The following HAUS7 variants were observed in gnomAD, a reference collection of about 807,000 sequenced individuals.
The protein encoded by HAUS7 is HAUS augmin like complex subunit 7, also known as HAUS augmin-like complex subunit 7.
HAUS7 carries 3 observed loss-of-function variants against 28.4 expected under a neutral mutation model. The ratio of observed to expected loss-of-function variants is 0.11; its 90% CI spans 0.05 to 0.27. The LOEUF is 0.27. Among genes scored for constraint, HAUS7 ranks in the 10% least tolerant of loss-of-function variants. The pLI, the probability that HAUS7 is intolerant of heterozygous loss-of-function variation, is 1.00. For synonymous variants in HAUS7, 165 were observed against 132.1 expected (o/e 1.25, Z -1.71); for missense variants, 284 against 297.3 (o/e 0.96, Z 0.33).
Position 153,477,076 on chromosome X carries a change from G to A in HAUS7, c.-588-5931C>T, listed in dbSNP as rs1012926803. ...CACCCAGGTCAGCCACCAGGCTCCC[G>A]ACCAGGGGAAGGGCAGCGAGGCCAG... is the stretch of plus-strand genomic sequence containing the variant. On this transcript the variant is annotated intron_variant, in intron 1 of 5. Transcript: ENST00000370210. Among the ~76,000 whole-genome samples, 6 of 113,181 alleles carry A rather than the reference G, an allele frequency of 5.3e-5. No individual in the cohort carries two copies. The East Asian group carries it at 8.4e-4, about 16-fold the overall frequency.
At chrX:153,493,817 G>C (rs1302021952) in intron 1 of HAUS7, among the ~76,000 whole-genome samples, 1 of 111,667 alleles carries the variant, frequency 9.0e-6, no homozygotes, top group Non-Finnish European at 1.9e-5. Context: ...CCCACCCCCC[G>C]GTTGAGTGAT....
upstream of HAUS7, chrX:153,470,782 AG>A (rs1467255583): frequency 2.2e-6 from 1 of 449,405 alleles, no homozygotes; most frequent in Admixed American, 3.3e-5. Context: ...GGGCGGACAC[AG>A]GGAAGGGGGC....
At chrX:153,467,588 G>A (rs1337730732) in intron 2 of HAUS7, among the ~76,000 whole-genome samples, 8 of 111,947 alleles carry the variant, frequency 7.1e-5, no homozygotes, top group African/African-American at 2.3e-4. Context: ...CCTCCTCCCT[G>A]CCAACATCCA....
At chrX:153,458,230 G>A (rs184419340) in intron 4 of HAUS7, among the ~76,000 whole-genome samples, 6 of 113,335 alleles carry the variant, frequency 5.3e-5, no homozygotes, top group South Asian at 3.6e-4. Flanking sequence ...GCACAGGTGC[G>A]AGAAGCTCAG....
upstream of HAUS7, among the ~76,000 whole-genome samples, chrX:153,473,975 G>T (rs1556985790): frequency 1.8e-5 from 2 of 112,396 alleles, no homozygotes; most frequent in African/African-American, 3.2e-5. Flanking sequence ...GAGCCCACCC[G>T]AAACCCAGCC....
chrX:153,461,224 C>A, intron 4 of HAUS7, among the ~76,000 whole-genome samples: 1 of 112,228 alleles, frequency 8.9e-6, no homozygotes, highest in Non-Finnish European at 1.9e-5. Flanking sequence ...TTTCCCAGAG[C>A]CAAAGTAATA....
intron 3 of HAUS7, chrX:153,463,234 C>T (rs940225640): frequency 2.4e-5 from 7 of 289,461 alleles, no homozygotes; most frequent in Non-Finnish European, 3.3e-5. Context: ...AGCCTGGGGC[C>T]GATGCCAGAC....
rs2089504796 is a variant in HAUS7 at position 153,470,325 on chromosome X, G to A, written c.108+125C>T. ...AGCACCCCCTGCTGCAAGGGAACAG[G>A]GCGCAGCCGGAACCGGCGACGGTGG... On this transcript the variant is annotated intron_variant, in intron 1 of 9. Transcript: ENST00000370211. 4 of 639,593 alleles carry A rather than the reference G, an allele frequency of 6.3e-6. No homozygotes were observed. In the South Asian group the frequency reaches 1.1e-4, roughly 17 times the overall value. 52.7% of individuals were successfully genotyped at this position (639,593 alleles called of 1,213,427 possible). A position where few individuals can be genotyped will look rare whatever the true frequency, so the allele number is the denominator to read the frequency against.
chrX:153,494,506 GC>G (rs1216818620), intron 1 of HAUS7, among the ~76,000 whole-genome samples: 1 of 112,111 alleles, frequency 8.9e-6, no homozygotes, highest in Non-Finnish European at 1.9e-5. Context: ...CCTTGCTTAG[GC>G]CCAAGCAGGT....
intron 1 of HAUS7, chrX:153,479,163 G>A (rs1488837763): frequency 7.0e-6 from 1 of 142,617 alleles, no homozygotes; most frequent in Non-Finnish European, 1.2e-5. Flanking sequence ...CGCAGCCAGG[G>A]CCAGGAGCTC....
intron 1 of HAUS7, among the ~76,000 whole-genome samples, chrX:153,480,177 G>A (rs1009568265): frequency 9.0e-6 from 1 of 110,874 alleles, no homozygotes; most frequent in Non-Finnish European, 1.9e-5. Flanking sequence ...ACACACTGGG[G>A]AAGTGAGGGG....
chrX:153,459,457 A>G (rs1182538910), intron 4 of HAUS7, among the ~76,000 whole-genome samples: 1 of 111,561 alleles, frequency 9.0e-6, no homozygotes, highest in Non-Finnish European at 1.9e-5. Flanking sequence ...TGTCAAATTG[A>G]TGACTTTATA....
intron 1 of HAUS7, chrX:153,479,173 CAG>C (rs1556986827): frequency 6.0e-6 from 1 of 167,293 alleles, no homozygotes; most frequent in Non-Finnish European, 9.6e-6. Flanking sequence ...GCCAGGAGCT[CAG>C]GGAGCAAGAC....
At chrX:153,483,632 G>A (rs1414234066) in intron 1 of HAUS7, among the ~76,000 whole-genome samples, 1 of 111,853 alleles carries the variant, frequency 8.9e-6, no homozygotes, top group Non-Finnish European at 1.9e-5. Context: ...GTCTTCGGTG[G>A]GTCACTGGGG....
At chrX:153,482,779 C>G in intron 1 of HAUS7, 1 of 751,694 alleles carries the variant, frequency 1.3e-6, no homozygotes, top group Non-Finnish European at 1.6e-6. Context: ...GACATCTCCC[C>G]CTGGCCTTCC....
At chrX:153,469,571 C>T (rs2089494747) in intron 1 of HAUS7, among the ~76,000 whole-genome samples, 1 of 113,061 alleles carries the variant, frequency 8.8e-6, no homozygotes, top group Non-Finnish European at 1.9e-5. Context: ...CAGGTATCTG[C>T]CCACCTCAGC....
chrX:153,462,575 C>A, intron 4 of HAUS7, 35 bp downstream of exon 4: 1 of 1,071,563 alleles, frequency 9.3e-7, no homozygotes, highest in Non-Finnish European at 1.3e-6. Flanking sequence ...AGAAAGCGTG[C>A]GTGCCGTCTG....
At chrX:153,462,005 G>A in intron 4 of HAUS7, 1 of 530,438 alleles carries the variant, frequency 1.9e-6, no homozygotes, top group Non-Finnish European at 3.2e-6. Context: ...CAACCACCTT[G>A]TGCACATGTT....
chrX:153,474,732 G>GGGGCGCGGGCGC (rs1222962063), upstream of HAUS7, among the ~76,000 whole-genome samples: 20 of 92,766 alleles, frequency 2.2e-4, no homozygotes, highest in Admixed American at 2.1e-3. Context: ...GGCGGGGGCG[G>GGGGCGCGGGCGC]GGGCGCGGGC....
Sources: gnomAD v4.1 joint callset for allele counts (sites outside exome capture counted in the v4.1 genomes callset) on GRCh38, gnomAD v4.1.1 for gene constraint, MANE v1.5 for transcripts, NCBI Gene and HGNC (gene_info 2026-07-23, HGNC 2026-07-21) for gene names.